Variants in ATP2B2 observed in about 807,000 individuals in gnomAD.
The protein encoded by ATP2B2 is plasma membrane calcium-transporting ATPase 2.
Under a neutral mutation model 120.0 loss-of-function variants are expected in ATP2B2, and 15 were observed. The observed-to-expected ratio is 0.12, with a 90% CI of 0.08 to 0.19. ATP2B2 has a LOEUF of 0.19. Among genes scored for constraint, ATP2B2 ranks in the 10% least tolerant of loss-of-function variants. ATP2B2 has a pLI of 1.00. For synonymous variants in ATP2B2, 694 were observed against 700.3 expected, an observed-to-expected ratio of 0.99 and a Z score of 0.14; for missense variants, 1,045 against 1,719.8, an observed-to-expected ratio of 0.61 and a Z score of 6.94.
rs970546933 is a variant in ATP2B2 at position 10,635,210 on chromosome 3, G to A, written c.-459-15249C>T. Among the ~76,000 whole-genome samples the A allele has an allele frequency of 3.9e-5, 6 of 152,096 alleles. No homozygotes were observed. Among genetic ancestry groups the A allele is most frequent in the Admixed American group, 3.3e-4 (5 of 15,266 alleles). ...TTTTCAAGAGAAGTTGGAAATCCAG[G>A]TACTTCCATGGCATCTCTCAATTTG... is the stretch of plus-strand genomic sequence containing the variant. On this transcript the variant is annotated intron_variant, in intron 1 of 21. Transcript: ENST00000646379. This position sits in a 1 kb window ranked among gnomAD's most constrained non-coding sequence, Gnocchi z 4.3.
intron 1 of ATP2B2, among the ~76,000 whole-genome samples, chr3:10,700,075 C>T (rs1003926486): frequency 2.0e-5 from 3 of 152,068 alleles, no homozygotes; most frequent in Non-Finnish European, 4.4e-5. Context: ...TAAAATCAAC[C>T]TACTTTGGGC....
In ATP2B2 at chr3:10,562,306, C is replaced by T. The variant is rs186535938; in HGVS notation, c.-414-28173G>A. Among the ~76,000 whole-genome samples, 8 of 152,236 alleles carry T rather than the reference C, an allele frequency of 5.3e-5. No individual in the cohort carries two copies. In the South Asian group the frequency reaches 8.3e-4, roughly 16 times the overall value. On this transcript the variant is annotated intron_variant, in intron 2 of 21. Coordinates refer to the ATP2B2 transcript ENST00000646379. The stretch of plus-strand genomic sequence containing the variant: ...GAGTCCCATGGCAGTCTGACTGGTA[C>T]GAGGAGGAACAGTGAGTAGCTTGGT...
intron 1 of ATP2B2, among the ~76,000 whole-genome samples, chr3:10,494,519 C>G (rs2066063745): frequency 6.6e-6 from 1 of 152,146 alleles, no homozygotes; most frequent in Non-Finnish European, 1.5e-5. Context: ...AGTTAAGATG[C>G]CACAATTCTG....
Position 10,328,566 on chromosome 3 carries a change from A to C in ATP2B2, c.*248T>G. 1 of 508,588 alleles carries C rather than the reference A, an allele frequency of 2.0e-6. No homozygotes were observed. The highest frequency in any genetic ancestry group is 3.5e-6 in the Non-Finnish European group (1 of 288,638). The allele number at this position is 508,588 out of a possible 1,614,324, so 31.5% of individuals were successfully genotyped here. A position where few individuals can be genotyped will look rare whatever the true frequency, so the allele number is the denominator to read the frequency against. ...GAGCCAGGAAGGGCTTGTTTTGGGA[A>C]AACCGCTCACTCCCGTAAGCCCCCA... On this transcript the variant is annotated 3_prime_UTR_variant, in exon 23 of 23. Coordinates refer to ENST00000360273, the MANE Select transcript of ATP2B2 (RefSeq NM_001001331.4).
intron 10 of ATP2B2, among the ~76,000 whole-genome samples, chr3:10,377,395 G>A (rs1340168456): frequency 6.6e-6 from 1 of 152,208 alleles, no homozygotes; most frequent in Non-Finnish European, 1.5e-5. Context: ...AGACAGCCAA[G>A]CCTGTAATCT....
rs371340474 is a variant in ATP2B2 at position 10,416,825 on chromosome 3, G to A, written c.200-6010C>T. On this transcript the variant is annotated intron_variant, in intron 2 of 22. Coordinates refer to ENST00000360273, the MANE Select transcript of ATP2B2 (RefSeq NM_001001331.4). ...GTCGAAAATGCAAACGGGGAGGGCA[G>A]AAAGATCACACAAAAGGCTGTGATT... Among the ~76,000 whole-genome samples, 54 of 152,168 alleles carry A rather than the reference G, an allele frequency of 3.5e-4. No individual in the cohort carries two copies. In the South Asian group the frequency reaches 0.011, roughly 32 times the overall value.
intron 2 of ATP2B2, among the ~76,000 whole-genome samples, chr3:10,413,802 C>G (rs560752518): frequency 6.6e-6 from 1 of 152,322 alleles, no homozygotes; most frequent in Admixed American, 6.5e-5. Flanking sequence ...GAGGGGAAGC[C>G]ATCATCAGTT....
chr3:10,596,042 T>C (rs12639316), intron 2 of ATP2B2, among the ~76,000 whole-genome samples: 23,661 of 152,132 alleles, frequency 0.16, 2,088 homozygotes, highest in East Asian at 0.34. Context: ...TGCCCGCTTG[T>C]CACTCAGCTC....
chr3:10,438,371 G>C (rs2063544195), intron 2 of ATP2B2, among the ~76,000 whole-genome samples: 1 of 152,206 alleles, frequency 6.6e-6, no homozygotes, highest in African/African-American at 2.4e-5. Context: ...GCCCTCCTCA[G>C]TGTGGGCCGT....
chr3:10,407,817 C>T (rs1272993755), intron 3 of ATP2B2, among the ~76,000 whole-genome samples: 1 of 152,190 alleles, frequency 6.6e-6, no homozygotes, highest in Non-Finnish European at 1.5e-5. Flanking sequence ...CTCAGGGCTC[C>T]ATGATAAGCG....
At chr3:10,508,980 G>A (rs547012239), upstream of ATP2B2, among the ~76,000 whole-genome samples, 11 of 152,320 alleles carry the variant, frequency 7.2e-5, no homozygotes, top group African/African-American at 1.7e-4. Context: ...CAGCCAATCT[G>A]ATTTTTACTC....
intron 8 of ATP2B2, among the ~76,000 whole-genome samples, chr3:10,382,853 T>C (rs889982921): frequency 6.6e-6 from 1 of 151,926 alleles, no homozygotes; most frequent in Non-Finnish European, 1.5e-5. Flanking sequence ...ACCCTAATTT[T>C]TTTTTTCCAT....
intron 2 of ATP2B2, among the ~76,000 whole-genome samples, chr3:10,556,419 A>G (rs73811928): frequency 1.4e-4 from 22 of 152,352 alleles, no homozygotes; most frequent in African/African-American, 5.1e-4. Flanking sequence ...CAAACTAAAC[A>G]TTAAATAAAA....
At chr3:10,559,208 C>A (rs1402643101) in intron 2 of ATP2B2, among the ~76,000 whole-genome samples, 1 of 151,942 alleles carries the variant, frequency 6.6e-6, no homozygotes, top group South Asian at 2.1e-4. Flanking sequence ...GGAGTGAGCT[C>A]GTGGAAGTAG....
Position 10,402,479 on chromosome 3 carries a change from G to T in ATP2B2, c.398-131C>A. The T allele has an allele frequency of 1.5e-6, 2 of 1,350,058 alleles. No homozygotes were observed. The highest frequency in any genetic ancestry group is 2.3e-5 in the East Asian group (1 of 42,664). The allele number at this position is 1,350,058 out of a possible 1,614,324, so 83.6% of individuals were successfully genotyped here. The stretch of plus-strand genomic sequence containing the variant: ...CAGATGATAATTATCCACTTACTCA[G>T]TGTGTCTGGGTACCAAGCCCTGTGG... On this transcript the variant is annotated intron_variant, in intron 3 of 22. Coordinates refer to ENST00000360273, the MANE Select transcript of ATP2B2 (RefSeq NM_001001331.4). This position sits in a 1 kb window ranked among gnomAD's most constrained non-coding sequence, Gnocchi z 4.9.
At chr3:10,345,258 C>T in intron 18 of ATP2B2, 126 bp downstream of exon 18, 1 of 1,089,964 alleles carries the variant, frequency 9.2e-7, no homozygotes, top group Admixed American at 2.3e-5. Flanking sequence ...AGCAGGTGCT[C>T]CATCGATGGG....
At chr3:10,386,379 C>G (rs2124856060) in intron 7 of ATP2B2, 101 bp downstream of exon 7, 1 of 1,350,162 alleles carries the variant, frequency 7.4e-7, no homozygotes. Flanking sequence ...AGGCATGTGG[C>G]CTCCTCCAGC....
upstream of ATP2B2, among the ~76,000 whole-genome samples, chr3:10,508,400 A>G (rs529907947): frequency 6.6e-6 from 1 of 152,160 alleles, no homozygotes; most frequent in South Asian, 2.1e-4. Context: ...GATGGTCTAC[A>G]CGTCTGTCTC....
chr3:10,621,734 T>C lies in ATP2B2; in HGVS notation c.-459-1773A>G, dbSNP rs559258608. Reference sequence around the variant, plus strand: ...AGCTAAAATCTGAAACACCTGAGCATTTACTCCTCATTCCAACTCCATGAG... The same window carrying C: ...AGCTAAAATCTGAAACACCTGAGCACTTACTCCTCATTCCAACTCCATGAG... On this transcript the variant is annotated intron_variant, in intron 1 of 21. Transcript: ENST00000646379. Among the ~76,000 whole-genome samples the C allele has an allele frequency of 2.0e-5, 3 of 152,344 alleles. No homozygotes were observed. In the South Asian group the frequency reaches 6.2e-4, roughly 32 times the overall value.
Sources: gnomAD v4.1 joint callset for allele counts (sites outside exome capture counted in the v4.1 genomes callset) on GRCh38, gnomAD v4.1.1 for gene constraint, Gnocchi (gnomAD v3.1) non-coding constraint, MANE v1.5 for transcripts, NCBI Gene and HGNC (gene_info 2026-07-23, HGNC 2026-07-21) for gene names.